ENTHD1: variants seen among roughly 807,000 people sequenced by gnomAD.
ENTHD1 encodes ENTH domain containing 1, also known as ENTH domain-containing protein 1.
A neutral mutation model predicts 39.1 loss-of-function variants in ENTHD1; 23 were observed. That is an observed-to-expected ratio of 0.59 (90% CI 0.42 to 0.83). ENTHD1 has a LOEUF of 0.83. ENTHD1 is among the 40% of genes least tolerant of loss of function. The pLI, the probability that ENTHD1 is intolerant of heterozygous loss-of-function variation, is 0.00. For synonymous variants in ENTHD1, 230 were observed against 258.2 expected (o/e 0.89, Z 1.05); for missense variants, 624 against 705.4 (o/e 0.88, Z 1.31).
Position 39,832,178 on chromosome 22 carries a change from G to A in ENTHD1, c.711+3662C>T, listed in dbSNP as rs145373729. On this transcript the variant is annotated intron_variant, in intron 4 of 6. Coordinates refer to ENST00000325157, the MANE Select transcript of ENTHD1 (RefSeq NM_152512.4). ...ACAAAATATTTTTAAAATTAGCCAG[G>A]CATAGTGATGCACTCCCAGCTGCTT... Among the ~76,000 whole-genome samples the A allele has an allele frequency of 2.6e-5, 4 of 152,180 alleles. No individual in the cohort carries two copies. In the East Asian group the frequency reaches 7.7e-4, roughly 29 times the overall value.
intron 5 of ENTHD1, among the ~76,000 whole-genome samples, chr22:39,812,012 AAAC>A (rs767736059): frequency 0.07 from 2,171 of 30,820 alleles, 35 homozygotes; most frequent in East Asian, 0.22. Context: ...ACAAACAAAC[AAAC>A]AAAAAAAAAA....
chr22:39,840,945 G>A (rs1176200945), intron 3 of ENTHD1, among the ~76,000 whole-genome samples: 1 of 151,930 alleles, frequency 6.6e-6, no homozygotes, highest in East Asian at 1.9e-4. Flanking sequence ...GTAGAGACAG[G>A]GTTTCACCGT....
At chr22:39,851,503 C>T (rs779048241) in intron 3 of ENTHD1, among the ~76,000 whole-genome samples, 3 of 152,054 alleles carry the variant, frequency 2.0e-5, no homozygotes, top group Non-Finnish European at 2.9e-5. Context: ...TGCTGCTTAC[C>T]TCCTCCTGTT....
chr22:39,755,936 G>A (rs1313880718), intron 6 of ENTHD1, among the ~76,000 whole-genome samples: 1 of 152,138 alleles, frequency 6.6e-6, no homozygotes, highest in African/African-American at 2.4e-5. Flanking sequence ...CATTTAGTGG[G>A]TGGGCTGGGA....
At chr22:39,792,307 C>T (rs947291635) in intron 5 of ENTHD1, among the ~76,000 whole-genome samples, 8 of 152,028 alleles carry the variant, frequency 5.3e-5, no homozygotes, top group African/African-American at 1.9e-4. Context: ...TGAGGAATCG[C>T]CACACTGTCT....
chr22:39,789,515 A>C (rs1273577039), intron 5 of ENTHD1, among the ~76,000 whole-genome samples: 2 of 152,138 alleles, frequency 1.3e-5, no homozygotes, highest in African/African-American at 4.8e-5. Context: ...GGCATTTAAC[A>C]TTGACTGATT....
chr22:39,824,745 G>C (rs2065813783), intron 4 of ENTHD1, among the ~76,000 whole-genome samples: 1 of 151,994 alleles, frequency 6.6e-6, no homozygotes, highest in African/African-American at 2.4e-5. Flanking sequence ...TCTATTTCTG[G>C]GTTCTCTATT....
At chr22:39,865,667 A>G (rs944689814) in intron 2 of ENTHD1, among the ~76,000 whole-genome samples, 2 of 152,236 alleles carry the variant, frequency 1.3e-5, no homozygotes, top group Non-Finnish European at 2.9e-5. Context: ...ACAGATCAAT[A>G]CCCAAGGATA....
chr22:39,792,033 C>A (rs2065508396), intron 5 of ENTHD1, among the ~76,000 whole-genome samples: 1 of 152,104 alleles, frequency 6.6e-6, no homozygotes, highest in Non-Finnish European at 1.5e-5. Context: ...TAATGGTCCC[C>A]AGCTCCAACC....
At chr22:39,810,437 T>A (rs2065676493) in intron 5 of ENTHD1, among the ~76,000 whole-genome samples, 1 of 152,144 alleles carries the variant, frequency 6.6e-6, no homozygotes, top group African/African-American at 2.4e-5. Context: ...CAGACCTGCT[T>A]AGTAACCTGC....
rs539920356 is a variant in ENTHD1, at chr22:39,874,005, C to T, written c.350-11998G>A. Among the ~76,000 whole-genome samples the T allele has an allele frequency of 5.3e-3, 812 of 152,282 alleles. 3 individuals carry two copies. Among genetic ancestry groups the T allele is most frequent in the Non-Finnish European group, 9.3e-3 (635 of 68,020 alleles). ...CACATGGCTAGGGAGGCCTCACAAT[C>T]ATGGCAGAAGGCAAGGAAGAGCAAG... On this transcript the variant is annotated intron_variant, in intron 2 of 6. Transcript: ENST00000325157.
At chr22:39,771,245 G>C (rs1269437408) in intron 5 of ENTHD1, among the ~76,000 whole-genome samples, 2 of 152,130 alleles carry the variant, frequency 1.3e-5, no homozygotes, top group Non-Finnish European at 2.9e-5. Context: ...CCAATAACCT[G>C]AAGGCATAGG....
intron 5 of ENTHD1, among the ~76,000 whole-genome samples, chr22:39,814,779 G>T (rs1331929737): frequency 6.6e-6 from 1 of 152,132 alleles, no homozygotes; most frequent in African/African-American, 2.4e-5. Flanking sequence ...ATATTTAATT[G>T]TGGGAAGCAA....
chr22:39,749,621 GAGA>G (rs2065133154), intron 6 of ENTHD1, among the ~76,000 whole-genome samples: 2 of 152,234 alleles, frequency 1.3e-5, no homozygotes, highest in South Asian at 4.1e-4. Flanking sequence ...CTGTAAAACA[GAGA>G]AGTTTTTGTC....
intron 2 of ENTHD1, among the ~76,000 whole-genome samples, chr22:39,863,132 C>T (rs1390779560): frequency 1.3e-5 from 2 of 152,148 alleles, no homozygotes. Context: ...AATTTCTCTT[C>T]TTTCTAAATT....
At chr22:39,863,685 C>T (rs2066162071) in intron 2 of ENTHD1, among the ~76,000 whole-genome samples, 1 of 152,204 alleles carries the variant, frequency 6.6e-6, no homozygotes, top group African/African-American at 2.4e-5. Flanking sequence ...CAAAAATAAA[C>T]TGAAAAGTCC....
intron 2 of ENTHD1, among the ~76,000 whole-genome samples, chr22:39,881,200 A>T (rs762929376): frequency 6.6e-6 from 1 of 152,216 alleles, no homozygotes; most frequent in African/African-American, 2.4e-5. Flanking sequence ...TATGCTCAAT[A>T]TGTCCTTCTA....
At chr22:39,853,476 A>AGCTGCAATCGTGCC (rs1205649460) in intron 3 of ENTHD1, among the ~76,000 whole-genome samples, 2 of 152,138 alleles carry the variant, frequency 1.3e-5, no homozygotes, top group African/African-American at 4.8e-5. Context: ...CATTGCAGTG[A>AGCTGCAATCGTGCC]GCTGCAATCG....
chr22:39,793,467 C>T (rs2065521854), intron 5 of ENTHD1, among the ~76,000 whole-genome samples: 1 of 151,228 alleles, frequency 6.6e-6, no homozygotes, highest in Admixed American at 6.6e-5. Context: ...TTCATTGTTT[C>T]CTTTGCTGTG....
Sources: allele counts gnomAD v4.1 joint callset (sites outside exome capture counted in the v4.1 genomes callset), GRCh38; gene constraint gnomAD v4.1.1; transcripts MANE v1.5; gene names NCBI Gene and HGNC (gene_info 2026-07-23, HGNC 2026-07-21).